The following AGBL1 variants were observed in gnomAD, a reference collection of about 807,000 sequenced individuals.
AGBL1 encodes cytosolic carboxypeptidase 4.
Under a neutral mutation model 118.9 loss-of-function variants are expected in AGBL1, and 130 were observed. That is an observed-to-expected ratio of 1.09 (90% CI 0.95 to 1.26). The LOEUF (loss-of-function observed/expected upper bound fraction) is 1.26, where lower values mean the gene tolerates loss of function less well. Ranked by LOEUF, AGBL1 falls within the 50% of genes most tolerant of loss-of-function variation. The pLI is 0.00. For synonymous variants in AGBL1, 555 were observed against 478.9 expected (o/e 1.16, Z -2.08); for missense variants, 1,584 against 1,298.1 (o/e 1.22, Z -3.38).
intron 22 of AGBL1, among the ~76,000 whole-genome samples, chr15:86,803,273 A>G (rs1228607429): frequency 2.0e-5 from 3 of 152,018 alleles, no homozygotes; most frequent in African/African-American, 7.2e-5. Context: ...ATGAGATCTG[A>G]TGGTTTTACA....
intron 22 of AGBL1, among the ~76,000 whole-genome samples, chr15:86,688,446 CT>C (rs2086103174): frequency 6.6e-6 from 1 of 152,074 alleles, no homozygotes; most frequent in African/African-American, 2.4e-5. Flanking sequence ...TTATCTAACT[CT>C]TTTCCAAGGT....
intron 22 of AGBL1, among the ~76,000 whole-genome samples, chr15:86,748,419 C>T (rs1004000605): frequency 6.7e-6 from 1 of 149,408 alleles, no homozygotes; most frequent in Non-Finnish European, 1.5e-5. Flanking sequence ...ACTTTTCTCC[C>T]ATTCTGTAGG....
chr15:86,959,987 A>G (rs2080974878), intron 23 of AGBL1, among the ~76,000 whole-genome samples: 1 of 152,122 alleles, frequency 6.6e-6, no homozygotes, highest in South Asian at 2.1e-4. Flanking sequence ...AAAGATGCCC[A>G]CCAACTCTTT....
At chr15:86,828,909 C>A (rs2079066975) in intron 22 of AGBL1, among the ~76,000 whole-genome samples, 2 of 52,168 alleles carry the variant, frequency 3.8e-5, no homozygotes, top group African/African-American at 6.6e-5. Context: ...TCATAAAGTT[C>A]AAAAGTATAT....
chr15:86,840,175 C>T (rs948281263), intron 22 of AGBL1, among the ~76,000 whole-genome samples: 8 of 152,154 alleles, frequency 5.3e-5, no homozygotes, highest in African/African-American at 1.4e-4. Context: ...CAAATCTTTG[C>T]GTTTGTCAAC....
rs117737242 is a variant in AGBL1, at chr15:86,330,414, G to A, written c.2374+35006G>A. On this transcript the variant is annotated intron_variant, in intron 17 of 22. Coordinates refer to ENST00000614907, the MANE Select transcript of AGBL1 (RefSeq NM_001386094.1). ...AAAAACTCTGCCTAGCATTTTCTAC[G>A]GTCACATTCCGTAGGGAAGAGGGGA... is the stretch of plus-strand genomic sequence containing the variant. 3.7e-3 allele frequency among the ~76,000 whole-genome samples: 566 copies of A among 152,112 alleles called. 2 individuals carry two copies. The highest frequency in any genetic ancestry group is 5.2e-3 in the Non-Finnish European group (351 of 68,006).
intron 9 of AGBL1, among the ~76,000 whole-genome samples, chr15:86,259,118 G>C (rs1247809740): frequency 6.6e-6 from 1 of 152,184 alleles, no homozygotes; most frequent in African/African-American, 2.4e-5. Flanking sequence ...GTTACTTCTT[G>C]GTTGTGGGAG....
At chr15:86,824,475 T>G (rs2078980770) in intron 22 of AGBL1, among the ~76,000 whole-genome samples, 1 of 152,124 alleles carries the variant, frequency 6.6e-6, no homozygotes, top group Non-Finnish European at 1.5e-5. Context: ...GTTCATGGAT[T>G]GGAAAACTCT....
Position 86,984,334 on chromosome 15 carries a change from A to T in AGBL1, c.3222-3653A>T, listed in dbSNP as rs1020361160. ...ATTGACATATTTTGTCAATTTTTTC[A>T]AAGTAGATTGTTTTCCATTTTTTTC... On this transcript the variant is annotated intron_variant, in intron 23 of 24. Transcript: ENST00000441037. 2.7e-5 allele frequency among the ~76,000 whole-genome samples: 4 copies of T among 148,718 alleles called. No homozygotes were observed. In the Admixed American group the frequency reaches 2.7e-4, roughly 10 times the overall value.
intron 17 of AGBL1, among the ~76,000 whole-genome samples, chr15:86,314,709 A>G (rs1186903435): frequency 6.6e-6 from 1 of 152,144 alleles, no homozygotes; most frequent in Admixed American, 6.5e-5. Context: ...TTCCTGAGAC[A>G]TTGCTTCCCC....
chr15:86,095,876 A>AC (rs751798170), intron 1 of AGBL1, among the ~76,000 whole-genome samples: 1 of 151,984 alleles, frequency 6.6e-6, no homozygotes, highest in Non-Finnish European at 1.5e-5. Context: ...TGGCTATGTG[A>AC]CCTTAGGCAA....
chr15:86,944,377 AAATAAT>A (rs368084988), intron 23 of AGBL1, among the ~76,000 whole-genome samples: 6 of 151,418 alleles, frequency 4.0e-5, no homozygotes, highest in African/African-American at 9.7e-5. Context: ...AACTCCGTCT[AAATAAT>A]AATAATAATA....
At chr15:86,504,117 C>T (rs893406977) in intron 18 of AGBL1, among the ~76,000 whole-genome samples, 2 of 151,542 alleles carry the variant, frequency 1.3e-5, no homozygotes, top group East Asian at 1.9e-4. Flanking sequence ...TAGTTGTGCA[C>T]ATATTTACAA....
chr15:86,399,092 A>C (rs1191975771), intron 18 of AGBL1, among the ~76,000 whole-genome samples: 3 of 152,190 alleles, frequency 2.0e-5, no homozygotes, highest in African/African-American at 4.8e-5. Context: ...GCCTTTAAGC[A>C]CATGGGAAAA....
Position 86,499,583 on chromosome 15 carries a change from T to C in AGBL1, c.2556-23227T>C, listed in dbSNP as rs534474022. Among the ~76,000 whole-genome samples the C allele has an allele frequency of 5.9e-5, 9 of 151,974 alleles. No homozygotes were observed. The South Asian group carries it at 1.7e-3, about 28-fold the overall frequency. On this transcript the variant is annotated intron_variant, in intron 18 of 22. Transcript: ENST00000614907. ...TCAGTCTGAAAGGAGGATTGTACATTGACTTGAGGTTATTTATCGCAGAAT... is the reference window on the plus strand; with the variant it reads ...TCAGTCTGAAAGGAGGATTGTACATCGACTTGAGGTTATTTATCGCAGAAT...
chr15:86,780,309 T>G (rs774718711), intron 22 of AGBL1, among the ~76,000 whole-genome samples: 1 of 152,204 alleles, frequency 6.6e-6, no homozygotes, highest in Non-Finnish European at 1.5e-5. Context: ...CCTGGATTCT[T>G]TTCTGTTCTA....
intron 17 of AGBL1, among the ~76,000 whole-genome samples, chr15:86,326,713 G>T (rs2080189902): frequency 6.6e-6 from 1 of 152,124 alleles, no homozygotes; most frequent in African/African-American, 2.4e-5. Context: ...TTTGTTTACA[G>T]ACAACAGCAT....
intron 22 of AGBL1, among the ~76,000 whole-genome samples, chr15:86,702,666 C>G (rs898530440): frequency 2.0e-5 from 3 of 152,134 alleles, no homozygotes; most frequent in African/African-American, 7.2e-5. Flanking sequence ...TAGTACATTT[C>G]TCTCTCCACC....
At chr15:86,919,656 C>A (rs556912113), downstream of AGBL1, among the ~76,000 whole-genome samples, 3 of 151,790 alleles carry the variant, frequency 2.0e-5, no homozygotes, top group Admixed American at 6.6e-5. Flanking sequence ...GAAGAAAAAA[C>A]CAGAGCCTTC....
Sources: gnomAD v4.1 joint callset for allele counts (sites outside exome capture counted in the v4.1 genomes callset) on GRCh38, gnomAD v4.1.1 for gene constraint, MANE v1.5 for transcripts, NCBI Gene and HGNC (gene_info 2026-07-23, HGNC 2026-07-21) for gene names.